Variants in CAPN8 observed in about 807,000 individuals in gnomAD.
The protein encoded by CAPN8 is calpain-8.
A neutral mutation model predicts 80.9 loss-of-function variants in CAPN8; 87 were observed. The ratio of observed to expected loss-of-function variants is 1.07; its 90% confidence interval spans 0.90 to 1.28. CAPN8 has a LOEUF of 1.28. CAPN8 is among the 50% of genes most tolerant of loss of function. The pLI is 0.00. For synonymous variants in CAPN8, 299 were observed against 273.8 expected, an observed-to-expected ratio of 1.09 and a Z score of -0.91; for missense variants, 757 against 702.0, an observed-to-expected ratio of 1.08 and a Z score of -0.89.
chr1:223,639,662 C>T (rs2102723802), intron 2 of CAPN8, among the ~76,000 whole-genome samples: 1 of 152,390 alleles, frequency 6.6e-6, no homozygotes, highest in South Asian at 2.1e-4. Context: ...GCTCTCTGAA[C>T]CTCTTCTGGT....
At chr1:223,553,222 C>T (rs1656836168) in intron 14 of CAPN8, among the ~76,000 whole-genome samples, 1 of 152,084 alleles carries the variant, frequency 6.6e-6, no homozygotes, top group Non-Finnish European at 1.5e-5. Flanking sequence ...GACTTGTGGC[C>T]CCCACCGGGC....
chr1:223,550,976 A>T lies in CAPN8; in HGVS notation c.1683T>A (p.Asn561Lys). ...ITANALKILL[N>K]EAFSKRTDIK... ...GGAACTTACTCTTGGAAAACGCCTC[A>T]TTCAAAAGTATCTTGAGTGCATTGG... The change falls in exon 15 of 21, where the codon AAT (asparagine) becomes AAA (lysine). Residue 561 changes from asparagine (N) to lysine (K), a missense_variant. Physicochemically the swap from Asn to Lys is moderately conservative, Grantham distance 94. Transcript: ENST00000366872. 1.4e-6 allele frequency: 1 copy of T among 718,318 alleles called. No homozygotes were observed. The highest frequency in any genetic ancestry group is 2.6e-6 in the Non-Finnish European group (1 of 384,998). 44.5% of individuals were successfully genotyped at this position (718,318 alleles called of 1,614,324 possible).
chr1:223,661,523 G>A (rs568992134), intron 1 of CAPN8, among the ~76,000 whole-genome samples: 1 of 152,104 alleles, frequency 6.6e-6, no homozygotes, highest in Non-Finnish European at 1.5e-5. Context: ...CCAGCTACTC[G>A]GGAGTCTGAA....
chr1:223,632,447 A>G (rs1296135756), intron 2 of CAPN8, among the ~76,000 whole-genome samples: 1 of 152,158 alleles, frequency 6.6e-6, no homozygotes, highest in African/African-American at 2.4e-5. Flanking sequence ...ACCATGGCTC[A>G]CTGCAGCCTT....
rs375089175 is a variant in CAPN8 at position 223,541,833 on chromosome 1, G to A, written c.*3C>T. On this transcript the variant is annotated 3_prime_UTR_variant, in exon 21 of 21. Coordinates refer to ENST00000366872, the MANE Select transcript of CAPN8 (RefSeq NM_001143962.2). The stretch of plus-strand genomic sequence containing the variant: ...GAGTGTCACTGATGTCCGAAACCCC[G>A]GGTCAGACCAACACGCAGCACAGCC... 209 of 1,551,232 alleles carry A rather than the reference G, an allele frequency of 1.3e-4. 1 individual carries two copies. Among genetic ancestry groups the A allele is most frequent in the South Asian group, 8.8e-4 (74 of 84,046 alleles).
chr1:223,552,425 G>A (rs1012757405), intron 14 of CAPN8, among the ~76,000 whole-genome samples: 6 of 152,076 alleles, frequency 3.9e-5, no homozygotes, highest in East Asian at 1.9e-4. Flanking sequence ...TTATCCAGGC[G>A]TTGTGGCTGG....
chr1:223,628,200 C>T (rs1167308338), intron 3 of CAPN8, 58 bp from the exon 4 acceptor site: 3 of 1,491,396 alleles, frequency 2.0e-6, no homozygotes, highest in Non-Finnish European at 2.7e-6. Flanking sequence ...TAAAGGGAGT[C>T]CCTCCAGGGG....
intron 1 of CAPN8, among the ~76,000 whole-genome samples, chr1:223,659,849 G>A (rs1192551241): frequency 6.6e-6 from 1 of 152,124 alleles, no homozygotes; most frequent in African/African-American, 2.4e-5. Context: ...GCTAGCAAAT[G>A]GCCAGAGGGG....
chr1:223,657,018 G>A (rs963249710), intron 1 of CAPN8, among the ~76,000 whole-genome samples: 4 of 152,138 alleles, frequency 2.6e-5, no homozygotes, highest in African/African-American at 7.2e-5. Flanking sequence ...TGTCTTGTAC[G>A]TATGTCTTAG....
In CAPN8 at chr1:223,550,972, C is replaced by CCTCA. The variant is rs1656770802; in HGVS notation, c.1683_1686dup (p.Ala563Ter). ...AGAAGGAACTTACTCTTGGAAAACG[C>CCTCA]CTCATTCAAAAGTATCTTGAGTGCA... On this transcript the variant is annotated stop_gained and frameshift_variant, in exon 15 of 21. Transcript: ENST00000366872. LOFTEE classifies it high-confidence loss of function. The CCTCA allele has an allele frequency of 2.8e-6, 2 of 718,138 alleles. No individual in the cohort carries two copies. The highest frequency in any genetic ancestry group is 5.2e-6 in the Non-Finnish European group (2 of 384,964). 44.5% of individuals were successfully genotyped at this position (718,138 alleles called of 1,614,324 possible).
intron 20 of CAPN8, among the ~76,000 whole-genome samples, chr1:223,542,526 C>T (rs1036206404): frequency 6.6e-6 from 1 of 152,128 alleles, no homozygotes; most frequent in Non-Finnish European, 1.5e-5. Flanking sequence ...CTAGTTCCAC[C>T]GCCTCAGAAT....
chr1:223,555,868 T>C (rs1241267995), intron 13 of CAPN8, among the ~76,000 whole-genome samples: 2 of 152,206 alleles, frequency 1.3e-5, no homozygotes, highest in African/African-American at 4.8e-5. Context: ...ACTGAACACC[T>C]GGCCCATGTT....
intron 1 of CAPN8, among the ~76,000 whole-genome samples, chr1:223,665,101 A>G (rs1031396135): frequency 2.0e-5 from 3 of 151,976 alleles, no homozygotes; most frequent in Non-Finnish European, 4.4e-5. Context: ...TAAAAATACA[A>G]AATTAGCCAG....
chr1:223,660,280 G>A (rs778193150), intron 1 of CAPN8, among the ~76,000 whole-genome samples: 109 of 152,090 alleles, frequency 7.2e-4, no homozygotes, highest in Non-Finnish European at 1.5e-3. Context: ...ACTGCACCAG[G>A]GCCTGCTCAT....
chr1:223,656,676 GTTTTGTTT>G (rs1658499919), intron 1 of CAPN8, among the ~76,000 whole-genome samples: 2 of 88,332 alleles, frequency 2.3e-5, no homozygotes, highest in African/African-American at 3.9e-5. Context: ...GGGTTTTTTT[GTTTTGTTT>G]TTTTTTTTTT....
chr1:223,654,647 T>C (rs1658429985), intron 1 of CAPN8, among the ~76,000 whole-genome samples: 1 of 152,100 alleles, frequency 6.6e-6, no homozygotes, highest in Non-Finnish European at 1.5e-5. Flanking sequence ...ACTAGTGTTT[T>C]CATTTTTTAT....
In CAPN8 at chr1:223,609,370, C is replaced by T. The variant is rs1398275027; in HGVS notation, c.1324-6G>A. The stretch of plus-strand genomic sequence containing the variant: ...GCGTCCGTGTGACTCTCCAGCTGCA[C>T]GAAACAATAAGCAGAGTCAATTTCT... On this transcript the variant is annotated splice_polypyrimidine_tract_variant and splice_region_variant and intron_variant, in intron 11 of 20. Transcript: ENST00000366872. 16 of 398,372 alleles carry T rather than the reference C, an allele frequency of 4.0e-5. No homozygotes were observed. Among genetic ancestry groups the T allele is most frequent in the East Asian group, 7.1e-5 (2 of 28,074 alleles). 24.7% of individuals were successfully genotyped at this position (398,372 alleles called of 1,614,324 possible).
At chr1:223,658,291 T>A (rs1419681021) in intron 1 of CAPN8, among the ~76,000 whole-genome samples, 1 of 152,184 alleles carries the variant, frequency 6.6e-6, no homozygotes, top group African/African-American at 2.4e-5. Context: ...ATGTTGAGTT[T>A]GGGTTGGAAG....
chr1:223,640,919 C>A (rs962026622), intron 2 of CAPN8, among the ~76,000 whole-genome samples: 1 of 152,044 alleles, frequency 6.6e-6, no homozygotes, highest in African/African-American at 2.4e-5. Context: ...TTGCTCAATT[C>A]GATGGATTTC....
Sources: gnomAD v4.1 joint callset for allele counts (sites outside exome capture counted in the v4.1 genomes callset) on GRCh38, gnomAD v4.1.1 for gene constraint, MANE v1.5 for transcripts, NCBI Gene and HGNC (gene_info 2026-07-23, HGNC 2026-07-21) for gene names.